IL2RA: variants seen among roughly 807,000 people sequenced by gnomAD.
IL2RA encodes interleukin 2 receptor subunit alpha.
In IL2RA, 24 loss-of-function variants were observed where a neutral mutation model predicts 37.8. The observed-to-expected ratio is 0.63, with a 90% confidence interval of 0.46 to 0.89. The LOEUF (loss-of-function observed/expected upper bound fraction) is 0.89. Among genes scored for constraint, IL2RA ranks in the 40% least tolerant of loss-of-function variants. IL2RA has a pLI of 0.00. For synonymous variants in IL2RA, 125 were observed against 114.6 expected (o/e 1.09, Z -0.58); for missense variants, 319 against 348.6 (o/e 0.92, Z 0.68).
rs61832360 is a variant in IL2RA at position 6,025,657 on chromosome 10, C to T, written c.256+177G>A. 1.4e-5 allele frequency among the ~76,000 whole-genome samples: 2 copies of T among 146,816 alleles called. No individual in the cohort carries two copies. Among genetic ancestry groups the T allele is most frequent in the Non-Finnish European group, 3.0e-5 (2 of 66,786 alleles). The stretch of plus-strand genomic sequence containing the variant: ...TAGGCAACAGAGTGAGAGTCTGTCT[C>T]CAAAAAAAAAAAAAATTGTGTTTAG... On this transcript the variant is annotated intron_variant, in intron 2 of 7. Transcript: ENST00000379959. This position sits in a 1 kb window ranked among gnomAD's most constrained non-coding sequence, Gnocchi z 4.4.
intron 1 of IL2RA, among the ~76,000 whole-genome samples, chr10:6,031,498 A>G (rs1187051110): frequency 5.4e-5 from 4 of 73,552 alleles, no homozygotes; most frequent in African/African-American, 1.6e-4. Flanking sequence ...ATATATGTAT[A>G]TATATATATA....
intron 1 of IL2RA, among the ~76,000 whole-genome samples, chr10:6,051,936 T>G (rs1301736127): frequency 6.7e-6 from 1 of 149,492 alleles, no homozygotes; most frequent in African/African-American, 2.5e-5. Flanking sequence ...CTTGGAGAAG[T>G]CACAGACTTT....
chr10:6,018,197 G>A lies in IL2RA; in HGVS notation c.728-78C>T. ...CAGCAGGAGCCAGGGCCACAGGGCA[G>A]GCTGAGGACATCCCCAAAGAGCAAG... On this transcript the variant is annotated intron_variant, in intron 6 of 7. Transcript: ENST00000379959. The surrounding 1 kb of genome is among the most constrained non-coding windows in gnomAD (Gnocchi z 5.1). 2.7e-6 allele frequency: 3 copies of A among 1,105,188 alleles called. No homozygotes were observed. The South Asian group carries it at 3.8e-5, about 14-fold the overall frequency. The allele number at this position is 1,105,188 out of a possible 1,614,324, so 68.5% of individuals were successfully genotyped here.
chr10:6,018,940 C>T lies in IL2RA; in HGVS notation c.727+488G>A, dbSNP rs1326458307. Among the ~76,000 whole-genome samples the T allele has an allele frequency of 6.6e-6, 1 of 152,088 alleles. No homozygotes were observed. The highest frequency in any genetic ancestry group is 2.4e-5 in the African/African-American group (1 of 41,408). ...TCTATCTACCAACCAACTCACTAAC[C>T]AACCAACCAGCTAACCAACCAAACT... On this transcript the variant is annotated intron_variant, in intron 6 of 7. Transcript: ENST00000379959. This position sits in a 1 kb window ranked among gnomAD's most constrained non-coding sequence, Gnocchi z 5.1.
rs537522875 is a variant in IL2RA at position 6,049,960 on chromosome 10, G to T, written c.64+12128C>A. Among the ~76,000 whole-genome samples the T allele has an allele frequency of 6.6e-5, 10 of 152,284 alleles. No homozygotes were observed. The South Asian group carries it at 1.5e-3, about 22-fold the overall frequency. On this transcript the variant is annotated intron_variant, in intron 1 of 7. Coordinates refer to ENST00000379959, the MANE Select transcript of IL2RA (RefSeq NM_000417.3). The stretch of plus-strand genomic sequence containing the variant: ...CAGCTTTGAAATCACAAATGAGGAG[G>T]TTCCCTTTGAAGGACAGGAGGAGAC...
At chr10:6,013,398 A>C (rs754969575) in intron 7 of IL2RA, among the ~76,000 whole-genome samples, 8 of 152,216 alleles carry the variant, frequency 5.3e-5, no homozygotes, top group Non-Finnish European at 1.2e-4. Flanking sequence ...TTAAGTATCC[A>C]CAGGTGGCTA....
intron 1 of IL2RA, among the ~76,000 whole-genome samples, chr10:6,040,628 C>T (rs1259615028): frequency 6.6e-6 from 1 of 152,176 alleles, no homozygotes; most frequent in Non-Finnish European, 1.5e-5. Context: ...GTTCACTTTG[C>T]CTTTTGTCTC....
chr10:6,031,449 TATATAC>T (rs59052526), intron 1 of IL2RA, among the ~76,000 whole-genome samples: 13,498 of 73,976 alleles, frequency 0.18, 1,639 homozygotes, highest in East Asian at 0.23. Context: ...TCAGTATATA[TATATAC>T]ATATATATAT....
intron 7 of IL2RA, among the ~76,000 whole-genome samples, chr10:6,016,140 G>A (rs138422659): frequency 4.6e-5 from 7 of 152,042 alleles, no homozygotes; most frequent in African/African-American, 1.7e-4. Context: ...AGGTGATCAG[G>A]TCGCGAGGGC....
chr10:6,015,669 G>C lies in IL2RA; in HGVS notation c.794+2384C>G, dbSNP rs1019760155. Among the ~76,000 whole-genome samples, 2 of 152,184 alleles carry C rather than the reference G, an allele frequency of 1.3e-5. No individual in the cohort carries two copies. Among genetic ancestry groups the C allele is most frequent in the African/African-American group, 2.4e-5 (1 of 41,434 alleles). On this transcript the variant is annotated intron_variant, in intron 7 of 7. Coordinates refer to ENST00000379959, the MANE Select transcript of IL2RA (RefSeq NM_000417.3). This position sits in a 1 kb window ranked among gnomAD's most constrained non-coding sequence, Gnocchi z 4.9. ...TGATACCTACAAGGTACAGTGATCA[G>C]ATCATGGTATTTAGCATATCCATCA...
Position 6,062,353 on chromosome 10 carries a change from T to C in IL2RA, c.-202A>G. 1 of 512,044 alleles carries C rather than the reference T, an allele frequency of 2.0e-6. No individual in the cohort carries two copies. Among genetic ancestry groups the C allele is most frequent in the Non-Finnish European group, 3.5e-6 (1 of 283,940 alleles). 31.7% of individuals were successfully genotyped at this position (512,044 alleles called of 1,614,324 possible). A position where few individuals can be genotyped will look rare whatever the true frequency, so the allele number is the denominator to read the frequency against. The stretch of plus-strand genomic sequence containing the variant: ...TCTCTTTAAGTATTGGGCTGGCGTG[T>C]TCAGCCAGGAAACTGCCTAGCACTC... On this transcript the variant is annotated 5_prime_UTR_variant, in exon 1 of 8. Coordinates refer to ENST00000379959, the MANE Select transcript of IL2RA (RefSeq NM_000417.3).
rs2132858585 is a variant in IL2RA at position 6,025,348 on chromosome 10, T to C, written c.256+486A>G. Among the ~76,000 whole-genome samples, 1 of 151,904 alleles carries C rather than the reference T, an allele frequency of 6.6e-6. No individual in the cohort carries two copies. Among genetic ancestry groups the C allele is most frequent in the East Asian group, 1.9e-4 (1 of 5,160 alleles). ...CAGCCTGGGCAACAGAGCGAGACTG[T>C]CTCAAAAATAAAAATAAAATTGTGT... is the stretch of plus-strand genomic sequence containing the variant. On this transcript the variant is annotated intron_variant, in intron 2 of 7. Coordinates refer to ENST00000379959, the MANE Select transcript of IL2RA (RefSeq NM_000417.3). This position sits in a 1 kb window ranked among gnomAD's most constrained non-coding sequence, Gnocchi z 4.4.
At chr10:6,061,793 G>A (rs562800888) in intron 1 of IL2RA, among the ~76,000 whole-genome samples, 5 of 152,206 alleles carry the variant, frequency 3.3e-5, no homozygotes, top group Non-Finnish European at 5.9e-5. Context: ...CCTGCTCATC[G>A]GGACCCTGTT....
intron 3 of IL2RA, among the ~76,000 whole-genome samples, chr10:6,023,604 G>A (rs889940022): frequency 6.6e-6 from 1 of 152,214 alleles, no homozygotes; most frequent in Non-Finnish European, 1.5e-5. Flanking sequence ...CCACAGTGCT[G>A]GGATTACAGG....
intron 1 of IL2RA, among the ~76,000 whole-genome samples, chr10:6,032,354 A>G (rs2132869351): frequency 1.3e-5 from 2 of 152,346 alleles, no homozygotes; most frequent in East Asian, 3.9e-4. Context: ...ACTGACTATA[A>G]AAGAAAAAAA....
chr10:6,051,817 C>CTATATATATATATA (rs61008683), intron 1 of IL2RA, among the ~76,000 whole-genome samples: 2,914 of 33,528 alleles, frequency 0.087, 546 homozygotes, highest in Non-Finnish European at 0.12. Context: ...TCATGCCCAG[C>CTATATATATATATA]TATATATATA....
chr10:6,012,907 G>A lies in IL2RA; in HGVS notation c.795-11C>T, dbSNP rs1839211663. 6.2e-7 allele frequency: 1 copy of A among 1,613,902 alleles called. No individual in the cohort carries two copies. On this transcript the variant is annotated splice_polypyrimidine_tract_variant and intron_variant, in intron 7 of 7. Transcript: ENST00000379959. The surrounding 1 kb of genome is among the most constrained non-coding windows in gnomAD (Gnocchi z 4.8). The stretch of plus-strand genomic sequence containing the variant: ...CTTCTACTCTTCCTCCTGTAGTGGT[G>A]TAACAAAGTCACGGTCATATGTGTA...
chr10:6,051,514 TATA>T (rs201154904), intron 1 of IL2RA, among the ~76,000 whole-genome samples: 14,313 of 48,370 alleles, frequency 0.3, 1,109 homozygotes, highest in East Asian at 0.54. Context: ...TATATATATA[TATA>T]TTTTTTTTCT....
rs1419151498 is a variant in IL2RA, at chr10:6,047,979, A to C, written c.64+14109T>G. Among the ~76,000 whole-genome samples the C allele has an allele frequency of 6.6e-6, 1 of 152,242 alleles. No individual in the cohort carries two copies. The highest frequency in any genetic ancestry group is 6.5e-5 in the Admixed American group (1 of 15,288). ...CAGAGAGGCCCAGTGACTTGCCCAG[A>C]GACACACAGCCCCTCAGTGGTGGAG... On this transcript the variant is annotated intron_variant, in intron 1 of 7. Coordinates refer to ENST00000379959, the MANE Select transcript of IL2RA (RefSeq NM_000417.3). The surrounding 1 kb of genome is among the most constrained non-coding windows in gnomAD (Gnocchi z 5.0).
Sources: allele counts gnomAD v4.1 joint callset (sites outside exome capture counted in the v4.1 genomes callset), GRCh38; gene constraint gnomAD v4.1.1; non-coding constraint Gnocchi (gnomAD v3.1); transcripts MANE v1.5; gene names NCBI Gene and HGNC (gene_info 2026-07-23, HGNC 2026-07-21).